Variants in ATCAY observed in about 807,000 individuals in gnomAD.
The protein encoded by ATCAY is ATCAY kinesin light chain interacting caytaxin.
Under a neutral mutation model 47.7 loss-of-function variants are expected in ATCAY, and 22 were observed. The ratio of observed to expected loss-of-function variants is 0.46; its 90% CI spans 0.33 to 0.66. The LOEUF (loss-of-function observed/expected upper bound fraction) is 0.66. Among genes scored for constraint, ATCAY ranks in the 30% least tolerant of loss-of-function variants. The pLI is 0.02. For missense variants in ATCAY, 452 were observed against 515.0 expected (o/e 0.88, Z 1.18); for synonymous variants, 216 against 207.6 (o/e 1.04, Z -0.35).
chr19:3,885,762 G>C lies in ATCAY; in HGVS notation c.-6G>C. ...TGCTTCAAGCCAGTGCCTCTTCCCAGCTCCCATGGGGACCACCGAAGCCAC... is the reference window on the plus strand; with the variant it reads ...TGCTTCAAGCCAGTGCCTCTTCCCACCTCCCATGGGGACCACCGAAGCCAC... On this transcript the variant is annotated 5_prime_UTR_variant, in exon 2 of 13. Coordinates refer to ENST00000450849, the MANE Select transcript of ATCAY (RefSeq NM_033064.5). The C allele has an allele frequency of 6.4e-7, 1 of 1,550,766 alleles. No homozygotes were observed. The highest frequency in any genetic ancestry group is 1.8e-4 in the Middle Eastern group (1 of 5,610).
intron 2 of ATCAY, among the ~76,000 whole-genome samples, chr19:3,886,045 A>G (rs1286803991): frequency 1.3e-5 from 2 of 152,210 alleles, no homozygotes; most frequent in Non-Finnish European, 2.9e-5. Context: ...ACAGTGGGGT[A>G]GTCCTGGCCA....
intron 8 of ATCAY, among the ~76,000 whole-genome samples, chr19:3,912,198 C>A (rs1000674924): frequency 6.6e-6 from 1 of 152,094 alleles, no homozygotes; most frequent in Non-Finnish European, 1.5e-5. Context: ...CTTCACCGGT[C>A]GCCATGGCTC....
chr19:3,922,863 G>A (rs556594954), intron 12 of ATCAY, among the ~76,000 whole-genome samples: 1 of 152,204 alleles, frequency 6.6e-6, no homozygotes, highest in East Asian at 1.9e-4. Context: ...TCTTGCCTCA[G>A]CCTCCCAAGT....
At chr19:3,919,466 C>A (rs2038997289) in intron 11 of ATCAY, among the ~76,000 whole-genome samples, 1 of 151,344 alleles carries the variant, frequency 6.6e-6, no homozygotes, top group South Asian at 2.1e-4. Context: ...GTGGCTCGTG[C>A]CTGTAGTCCC....
intron 2 of ATCAY, among the ~76,000 whole-genome samples, chr19:3,894,948 CAAAAAAAAA>C (rs34311804): frequency 1.3e-5 from 1 of 76,766 alleles, no homozygotes; most frequent in Non-Finnish European, 2.4e-5. Flanking sequence ...GACCCTGTCT[CAAAAAAAAA>C]AAAAAAAAAA....
At position 3,918,841 on chromosome 19, in the gene ATCAY, C is replaced by T; in HGVS notation, c.1037C>T (p.Ser346Phe). 2 of 1,614,022 alleles carry T rather than the reference C, an allele frequency of 1.2e-6. No individual in the cohort carries two copies. The highest frequency in any genetic ancestry group is 1.7e-6 in the Non-Finnish European group (2 of 1,179,876). ...RPQPEFVLPR[S>F]EEKPEVAPVE... ...CAGCCGGAGTTTGTGCTGCCCAGGT[C>T]TGAAGAGAAGCCAGAGGTGGCACCA... is the stretch of plus-strand genomic sequence containing the variant. The change falls in exon 11 of 13, where the codon TCT becomes TTT. Residue 346 changes from serine to phenylalanine, a missense_variant. By Grantham distance (155) the Ser-to-Phe change is radical (BLOSUM62 -2). Coordinates refer to ENST00000450849, the MANE Select transcript of ATCAY (RefSeq NM_033064.5).
At chr19:3,901,374 T>G (rs1190350542) in intron 2 of ATCAY, among the ~76,000 whole-genome samples, 1 of 152,204 alleles carries the variant, frequency 6.6e-6, no homozygotes, top group Admixed American at 6.6e-5. Context: ...CATTATTTAT[T>G]TGGTTGCACA....
At chr19:3,887,706 T>G (rs1444098080) in intron 2 of ATCAY, among the ~76,000 whole-genome samples, 1 of 150,188 alleles carries the variant, frequency 6.7e-6, no homozygotes, top group African/African-American at 2.4e-5. Flanking sequence ...CAGGATGGTC[T>G]CGATCGTCTG....
chr19:3,910,778 T>G, intron 7 of ATCAY, 25 bp from the exon 8 acceptor site: 1 of 1,613,872 alleles, frequency 6.2e-7, no homozygotes, highest in Admixed American at 1.7e-5. Context: ...GGAGCCCATC[T>G]TGCTTCCTTT....
intron 1 of ATCAY, among the ~76,000 whole-genome samples, chr19:3,885,119 A>AAC (rs1396721334): frequency 4.0e-5 from 6 of 148,630 alleles, no homozygotes; most frequent in Non-Finnish European, 9.0e-5. Flanking sequence ...TAAAAAAAAA[A>AAC]AAAAAAAAAA....
chr19:3,904,852 C>CTTTATTTATTTATTTA (rs4018054), intron 3 of ATCAY, among the ~76,000 whole-genome samples: 64 of 150,484 alleles, frequency 4.3e-4, no homozygotes, highest in African/African-American at 1.4e-3. Flanking sequence ...GTCTCTTCTC[C>CTTTATTTATTTATTTA]TTTATTTATT....
intron 7 of ATCAY, among the ~76,000 whole-genome samples, chr19:3,910,456 T>C (rs2038913511): frequency 6.6e-6 from 1 of 152,160 alleles, no homozygotes; most frequent in South Asian, 2.1e-4. Context: ...CCCAGGTTAG[T>C]GGAGGGAGGC....
At chr19:3,892,930 A>G (rs559290811) in intron 2 of ATCAY, among the ~76,000 whole-genome samples, 2 of 151,912 alleles carry the variant, frequency 1.3e-5, no homozygotes, top group Non-Finnish European at 2.9e-5. Flanking sequence ...TTTACCCTCA[A>G]TTGTACCGAT....
At chr19:3,910,104 C>T (rs995517887) in intron 7 of ATCAY, among the ~76,000 whole-genome samples, 2 of 152,016 alleles carry the variant, frequency 1.3e-5, no homozygotes, top group African/African-American at 2.4e-5. Context: ...AACACTCACT[C>T]CCTATTCCTT....
At chr19:3,917,058 C>T (rs559907324) in intron 9 of ATCAY, among the ~76,000 whole-genome samples, 18 of 152,198 alleles carry the variant, frequency 1.2e-4, no homozygotes, top group African/African-American at 2.9e-4. Flanking sequence ...CTGCCCGCCT[C>T]GGCCTCCCAA....
Position 3,885,842 on chromosome 19 carries a change from C to T in ATCAY, c.75C>T (p.Pro25=), listed in dbSNP as rs1444600952. 5 of 1,551,918 alleles carry T rather than the reference C, an allele frequency of 3.2e-6. No individual in the cohort carries two copies. Among genetic ancestry groups the T allele is most frequent in the Non-Finnish European group, 4.4e-6 (5 of 1,147,646 alleles). ...VKEEWQDEDL[P]RPLPEETGVE... is the part of the protein sequence containing the mutation. Reference sequence around the variant, plus strand: ...AGGAATGGCAGGACGAAGATCTTCCCAGGTAGGACTTCCACATCCCTGAGT... The same window carrying T: ...AGGAATGGCAGGACGAAGATCTTCCTAGGTAGGACTTCCACATCCCTGAGT... The change falls in exon 2 of 13, where the codon CCC becomes CCT. Residue 25 remains proline, a splice_region_variant and synonymous_variant. Coordinates refer to ENST00000450849, the MANE Select transcript of ATCAY (RefSeq NM_033064.5).
intron 7 of ATCAY, among the ~76,000 whole-genome samples, chr19:3,910,109 T>A (rs575300006): frequency 1.3e-5 from 2 of 152,138 alleles, no homozygotes; most frequent in Admixed American, 1.3e-4. Context: ...TCACTCCCTA[T>A]TCCTTCTCCC....
chr19:3,908,066 T>C lies in ATCAY; in HGVS notation c.544+147T>C, dbSNP rs1055596011. ...CGGACTGTGGGCAAGGCGTGCATGG[T>C]CAGGGAGGCGCACTGGGGGCCCCTG... On this transcript the variant is annotated intron_variant, in intron 5 of 12. Transcript: ENST00000450849. 12 of 1,207,850 alleles carry C rather than the reference T, an allele frequency of 9.9e-6. No individual in the cohort carries two copies. In the African/African-American group the frequency reaches 1.4e-4, roughly 14 times the overall value. The allele number at this position is 1,207,850 out of a possible 1,614,324, so 74.8% of individuals were successfully genotyped here. A position where few individuals can be genotyped will look rare whatever the true frequency, so the allele number is the denominator to read the frequency against.
intron 8 of ATCAY, among the ~76,000 whole-genome samples, chr19:3,913,366 T>G (rs1027382308): frequency 3.9e-5 from 6 of 152,154 alleles, no homozygotes; most frequent in Non-Finnish European, 8.8e-5. Context: ...GGCTGTGCCG[T>G]CCTGTGCGGT....
Sources: allele counts gnomAD v4.1 joint callset (sites outside exome capture counted in the v4.1 genomes callset), GRCh38; gene constraint gnomAD v4.1.1; transcripts MANE v1.5; gene names NCBI Gene and HGNC (gene_info 2026-07-23, HGNC 2026-07-21).